Variants in FRYL observed in about 807,000 individuals in gnomAD.
The protein encoded by FRYL is protein furry homolog-like.
FRYL carries 150 observed loss-of-function variants against 351.2 expected under a neutral mutation model. That is an observed-to-expected ratio of 0.43 (90% confidence interval 0.37 to 0.49). FRYL has a LOEUF of 0.49. Ranked by LOEUF, FRYL falls within the 20% of genes least tolerant of loss-of-function variation. The probability of loss-of-function intolerance (pLI) is 0.00; values close to 1 mark genes in which losing one functional copy is unlikely to be tolerated. For missense variants in FRYL, 3,036 were observed against 3,619.3 expected (o/e 0.84, Z 4.13); for synonymous variants, 1,153 against 1,257.1 (o/e 0.92, Z 1.75).
At chr4:48,745,464 G>GA (rs1300291331) in intron 1 of FRYL, among the ~76,000 whole-genome samples, 1 of 152,142 alleles carries the variant, frequency 6.6e-6, no homozygotes, top group Non-Finnish European at 1.5e-5. Flanking sequence ...GGACATGGAT[G>GA]AACTGGAAAC....
At chr4:48,635,983 A>G (rs1451932276) in intron 3 of FRYL, among the ~76,000 whole-genome samples, 3 of 152,200 alleles carry the variant, frequency 2.0e-5, no homozygotes, top group African/African-American at 7.2e-5. Context: ...GCTCTACCAC[A>G]CATAGGTCAA....
Position 48,764,858 on chromosome 4 carries a change from T to TC in FRYL, c.-384+15219dup, listed in dbSNP as rs1251990593. On this transcript the variant is annotated intron_variant, in intron 1 of 63. Transcript: ENST00000358350. Reference sequence around the variant, plus strand: ...AGAAATAGGAAAAGTGATTTTTTTTTCCCCGAGATGAAGTCTTGCTCTGTT... The same window carrying TC: ...AGAAATAGGAAAAGTGATTTTTTTTTCCCCCGAGATGAAGTCTTGCTCTGTT... Among the ~76,000 whole-genome samples, 8 of 152,198 alleles carry TC rather than the reference T, an allele frequency of 5.3e-5. No individual in the cohort carries two copies. The South Asian group carries it at 6.2e-4, about 12-fold the overall frequency.
chr4:48,706,397 T>C (rs1359801269), intron 2 of FRYL, among the ~76,000 whole-genome samples: 3 of 152,126 alleles, frequency 2.0e-5, no homozygotes, highest in Non-Finnish European at 2.9e-5. Context: ...CACAAAAGGA[T>C]AAATACTGTA....
At chr4:48,740,371 C>T (rs773667015) in intron 1 of FRYL, among the ~76,000 whole-genome samples, 75 of 150,436 alleles carry the variant, frequency 5.0e-4, no homozygotes, top group Non-Finnish European at 9.0e-4. Context: ...TTCTGCTCAC[C>T]GCAACTTCCA....
At chr4:48,509,713 T>C (rs1443405592) in intron 59 of FRYL, among the ~76,000 whole-genome samples, 2 of 152,200 alleles carry the variant, frequency 1.3e-5, no homozygotes, top group African/African-American at 4.8e-5. Flanking sequence ...GGGAAAAAGA[T>C]TACAGCTTTG....
intron 1 of FRYL, among the ~76,000 whole-genome samples, chr4:48,749,367 C>A (rs1037943007): frequency 6.6e-6 from 1 of 152,204 alleles, no homozygotes; most frequent in Non-Finnish European, 1.5e-5. Flanking sequence ...GGAAACCATA[C>A]AGGCAGAATG....
At chr4:48,506,669 T>TATATATATATATATA (rs1721115591) in intron 59 of FRYL, 1 of 96,658 alleles carries the variant, frequency 1.0e-5, no homozygotes, top group African/African-American at 4.4e-5. Flanking sequence ...TATATATATA[T>TATATATATATATATA]GAAATCATTA....
intron 9 of FRYL, among the ~76,000 whole-genome samples, chr4:48,607,788 A>C (rs909291531): frequency 2.0e-5 from 3 of 152,166 alleles, no homozygotes; most frequent in Admixed American, 1.3e-4. Context: ...GGTGAGGCTG[A>C]GTACCATTTC....
chr4:48,580,878 G>C lies in FRYL; in HGVS notation c.2246C>G (p.Thr749Ser). ...CACTATAGTTACCTGATCAGCCCCA[G>C]TGAGATGTATGAAGCTCTCAAGAAT... is the stretch of plus-strand genomic sequence containing the variant. ...PSILESFIHL[T>S]GADQTTLLYC... The change falls in exon 22 of 64, where the codon ACT becomes AGT. Residue 749 changes from threonine to serine, a missense_variant. By Grantham distance (58) the Thr-to-Ser change is moderately conservative. Around this residue, in one of 7 missense-constraint regions of FRYL, gnomAD observed 492 missense variants for 551.5 expected, o/e 0.89. Transcript: ENST00000358350. The C allele has an allele frequency of 6.2e-7, 1 of 1,608,456 alleles. No homozygotes were observed. Among genetic ancestry groups the C allele is most frequent in the Non-Finnish European group, 8.5e-7 (1 of 1,175,590 alleles).
chr4:48,664,610 A>G (rs1376648551), intron 3 of FRYL, among the ~76,000 whole-genome samples: 2 of 152,332 alleles, frequency 1.3e-5, no homozygotes, highest in Non-Finnish European at 2.9e-5. Context: ...ATATTAATAA[A>G]TCTAAAATAC....
chr4:48,750,355 G>A (rs1773119319), intron 1 of FRYL, among the ~76,000 whole-genome samples: 1 of 151,828 alleles, frequency 6.6e-6, no homozygotes. Context: ...CACCTACTTG[G>A]GAGGCTGAGG....
At chr4:48,744,089 T>C (rs1360270342) in intron 1 of FRYL, among the ~76,000 whole-genome samples, 3 of 152,078 alleles carry the variant, frequency 2.0e-5, no homozygotes, top group Non-Finnish European at 4.4e-5. Context: ...AGTAAATGTA[T>C]TTACTAAGAA....
intron 50 of FRYL, among the ~76,000 whole-genome samples, chr4:48,530,932 G>A (rs1029298630): frequency 6.6e-6 from 1 of 152,154 alleles, no homozygotes; most frequent in Non-Finnish European, 1.5e-5. Flanking sequence ...AAGCTAAGTT[G>A]TGGCGTTTCT....
At chr4:48,643,681 C>T (rs186280971) in intron 3 of FRYL, among the ~76,000 whole-genome samples, 79 of 151,946 alleles carry the variant, frequency 5.2e-4, no homozygotes, top group African/African-American at 1.7e-3. Context: ...AAAAAAGATA[C>T]GAAACTTTAT....
intron 59 of FRYL, among the ~76,000 whole-genome samples, chr4:48,507,460 AAAAG>A (rs55854625): frequency 0.99 from 150,096 of 152,110 alleles, 74,087 homozygotes; most frequent in South Asian, 1. Context: ...TAGCCTGTAT[AAAAG>A]AAAGAAAGAC....
chr4:48,556,833 A>G (rs1734219928), intron 35 of FRYL, 145 bp downstream of exon 35: 2 of 592,320 alleles, frequency 3.4e-6, no homozygotes, highest in Admixed American at 5.9e-5. Flanking sequence ...CAGTGAATAA[A>G]TCCATGTGCT....
At chr4:48,752,995 AG>A (rs1433042478) in intron 1 of FRYL, among the ~76,000 whole-genome samples, 1 of 151,994 alleles carries the variant, frequency 6.6e-6, no homozygotes, top group Non-Finnish European at 1.5e-5. Context: ...TAGGTGGTTG[AG>A]GGGTCGGGGG....
At chr4:48,713,104 G>A (rs187422560) in intron 1 of FRYL, among the ~76,000 whole-genome samples, 6 of 151,942 alleles carry the variant, frequency 3.9e-5, no homozygotes, top group African/African-American at 9.7e-5. Context: ...AGGAACGACC[G>A]GTACCAGCCG....
chr4:48,674,363 C>CA (rs1763205706), intron 3 of FRYL, among the ~76,000 whole-genome samples: 1 of 151,754 alleles, frequency 6.6e-6, no homozygotes, highest in Non-Finnish European at 1.5e-5. Flanking sequence ...CACACACATA[C>CA]AAAAAAACAG....
Sources: gnomAD v4.1 joint callset for allele counts (sites outside exome capture counted in the v4.1 genomes callset) on GRCh38, gnomAD v4.1.1 for gene constraint, gnomAD v4.1.1 regional missense constraint, MANE v1.5 for transcripts, NCBI Gene and HGNC (gene_info 2026-07-23, HGNC 2026-07-21) for gene names.